The following IFIH1 variants were observed in gnomAD, a reference collection of about 807,000 sequenced individuals.
IFIH1 encodes the protein interferon induced with helicase C domain 1.
A neutral mutation model predicts 107.4 loss-of-function variants in IFIH1; 125 were observed. The observed-to-expected ratio is 1.16, with a 90% CI of 1.01 to 1.35. IFIH1 has a LOEUF of 1.35. Ranked by LOEUF, IFIH1 falls within the 40% of genes most tolerant of loss-of-function variation. IFIH1 has a pLI of 0.00. For missense variants in IFIH1, 1,333 were observed against 1,213.7 expected, an observed-to-expected ratio of 1.10 and a Z score of -1.46; for synonymous variants, 458 against 413.2, an observed-to-expected ratio of 1.11 and a Z score of -1.31.
intron 2 of IFIH1, among the ~76,000 whole-genome samples, chr2:162,309,263 A>G (rs1421452308): frequency 6.6e-6 from 1 of 152,170 alleles, no homozygotes; most frequent in African/African-American, 2.4e-5. Flanking sequence ...GGCTCCATCC[A>G]CACAGCTTTC....
rs148540097 is a variant in IFIH1, at chr2:162,282,450, C to T, written c.1222G>A (p.Asp408Asn). ...ATTTGAGCTGTACTGATAATAATAT[C>T]ACAGGACTTGACAACTTCTGGAAAT... ...ISFPEVVKSC[D>N]IIISTAQILE... Residue 408 changes from aspartate (D) to asparagine (N), a missense_variant, in exon 6 of 16, where the codon GAT becomes AAT. By Grantham distance (23) the Asp-to-Asn change is conservative. Transcript: ENST00000649979. The T allele has an allele frequency of 8.6e-5, 138 of 1,611,690 alleles. No individual in the cohort carries two copies. The highest frequency in any genetic ancestry group is 1.1e-4 in the Non-Finnish European group (133 of 1,178,526).
At position 162,267,635 on chromosome 2, in the gene IFIH1, G is replaced by T. The variant is rs1439600339; in HGVS notation, c.2808-66C>A. 8 of 1,169,552 alleles carry T rather than the reference G, an allele frequency of 6.8e-6. No homozygotes were observed. In the East Asian group the frequency reaches 1.2e-4, roughly 17 times the overall value. 72.4% of individuals were successfully genotyped at this position (1,169,552 alleles called of 1,614,324 possible). A position where few individuals can be genotyped will look rare whatever the true frequency, so the allele number is the denominator to read the frequency against. On this transcript the variant is annotated intron_variant, in intron 14 of 15. Coordinates refer to ENST00000649979, the MANE Select transcript of IFIH1 (RefSeq NM_022168.4). The stretch of plus-strand genomic sequence containing the variant: ...CAAAATACCAGTGTGTAGTTCATGG[G>T]TTATTGGACCTGGAGCTCATCCGCA...
chr2:162,317,021 GT>G (rs1683503284), intron 1 of IFIH1, among the ~76,000 whole-genome samples: 1 of 132,200 alleles, frequency 7.6e-6, no homozygotes, highest in African/African-American at 4.0e-5. Flanking sequence ...AAAAGGGTGT[GT>G]GTGTGTGTGT....
chr2:162,291,812 A>C (rs116543979), intron 4 of IFIH1, among the ~76,000 whole-genome samples: 12 of 151,984 alleles, frequency 7.9e-5, no homozygotes, highest in African/African-American at 2.6e-4. Context: ...TATACCAGGC[A>C]CTTGTGGGCA....
At chr2:162,303,962 C>T (rs560472645) in intron 3 of IFIH1, among the ~76,000 whole-genome samples, 2 of 151,978 alleles carry the variant, frequency 1.3e-5, no homozygotes, top group African/African-American at 2.4e-5. Flanking sequence ...ATAGAGATGT[C>T]GAGTAGCTTG....
At chr2:162,267,937 A>G in intron 14 of IFIH1, 150 bp downstream of exon 14, 1 of 576,368 alleles carries the variant, frequency 1.7e-6, no homozygotes, top group East Asian at 3.0e-5. Context: ...TAAAACATAG[A>G]CATTTAAAAT....
intron 4 of IFIH1, 50 bp downstream of exon 4, chr2:162,293,514 T>C (rs776791613): frequency 8.7e-7 from 1 of 1,146,142 alleles, no homozygotes; most frequent in Non-Finnish European, 1.3e-6. Flanking sequence ...TTCCACTATA[T>C]GGCGTCTTAT....
chr2:162,288,917 G>GCACACACACACACACACA lies in IFIH1; in HGVS notation c.875-580_875-563dup, dbSNP rs3051152. Among the ~76,000 whole-genome samples, 298 of 135,436 alleles carry GCACACACACACACACACA rather than the reference G, an allele frequency of 2.2e-3. 3 individuals are homozygous for GCACACACACACACACACA. The highest frequency in any genetic ancestry group is 3.5e-3 in the Non-Finnish European group (218 of 61,652). 88.9% of individuals were successfully genotyped at this position (135,436 alleles called of 152,430 possible). On this transcript the variant is annotated intron_variant, in intron 4 of 15. Transcript: ENST00000649979. ...TTATCTGACAACCAAATACCAAAAA[G>GCACACACACACACACACA]CACACACACACACACACACACACAC...
At chr2:162,296,055 G>A (rs1039163870) in intron 3 of IFIH1, among the ~76,000 whole-genome samples, 5 of 151,988 alleles carry the variant, frequency 3.3e-5, no homozygotes, top group Admixed American at 2.6e-4. Context: ...ATCTAAGACT[G>A]TATCATTAAA....
chr2:162,289,733 G>T (rs1682963709), intron 4 of IFIH1, among the ~76,000 whole-genome samples: 1 of 151,810 alleles, frequency 6.6e-6, no homozygotes, highest in Admixed American at 6.6e-5. Flanking sequence ...CAGGAAATTT[G>T]CCTTTTGTAT....
chr2:162,291,564 A>G (rs976175378), intron 4 of IFIH1, among the ~76,000 whole-genome samples: 2 of 151,838 alleles, frequency 1.3e-5, no homozygotes, highest in African/African-American at 4.8e-5. Flanking sequence ...AATCATGTCT[A>G]CTATGGCATA....
At chr2:162,282,299 A>G (rs1428653220) in intron 6 of IFIH1, 67 bp downstream of exon 6, 1 of 1,003,960 alleles carries the variant, frequency 1.0e-6, no homozygotes, top group African/African-American at 1.7e-5. Context: ...AAAAATTAAC[A>G]AATACAGCCT....
intron 3 of IFIH1, among the ~76,000 whole-genome samples, chr2:162,303,226 T>C (rs978854177): frequency 6.6e-6 from 1 of 152,156 alleles, no homozygotes; most frequent in Non-Finnish European, 1.5e-5. Context: ...GTGATTCCCC[T>C]GCCTCAGCCT....
intron 3 of IFIH1, among the ~76,000 whole-genome samples, chr2:162,299,464 G>T (rs1295613294): frequency 5.3e-5 from 8 of 152,090 alleles, no homozygotes; most frequent in Non-Finnish European, 1.2e-4. Flanking sequence ...CTTTGGTGGG[G>T]GGAGACAGGA....
At chr2:162,271,169 T>C (rs1469933161) in intron 13 of IFIH1, among the ~76,000 whole-genome samples, 5 of 152,138 alleles carry the variant, frequency 3.3e-5, no homozygotes, top group South Asian at 2.1e-4. Flanking sequence ...TGTAGCTAGA[T>C]GACATATTCT....
chr2:162,302,392 AATC>A, intron 3 of IFIH1, among the ~76,000 whole-genome samples: 1 of 152,330 alleles, frequency 6.6e-6, no homozygotes, highest in Middle Eastern at 3.4e-3. Context: ...TACACATAAA[AATC>A]ATATTTACAG....
At chr2:162,271,772 C>T (rs551721962) in intron 13 of IFIH1, among the ~76,000 whole-genome samples, 1 of 152,280 alleles carries the variant, frequency 6.6e-6, no homozygotes, top group Admixed American at 6.5e-5. Flanking sequence ...ACCAGGCACA[C>T]ACTAGAAATA....
At position 162,279,988 on chromosome 2, in the gene IFIH1, G is replaced by A. The variant is rs780592381; in HGVS notation, c.1641+8C>T. ...TCAATCAATAGATATAAAACATTAA[G>A]CCCATACTTCTCTGGTTGCATCTGC... On this transcript the variant is annotated splice_region_variant and intron_variant, in intron 8 of 15. Transcript: ENST00000649979. 3 of 1,412,218 alleles carry A rather than the reference G, an allele frequency of 2.1e-6. No individual in the cohort carries two copies. The highest frequency in any genetic ancestry group is 2.3e-5 in the East Asian group (1 of 43,852). 87.5% of individuals were successfully genotyped at this position (1,412,218 alleles called of 1,614,324 possible).
At chr2:162,275,814 A>G (rs1012633245) in intron 11 of IFIH1, among the ~76,000 whole-genome samples, 2 of 152,114 alleles carry the variant, frequency 1.3e-5, no homozygotes, top group African/African-American at 4.8e-5. Flanking sequence ...TTTCTTACCC[A>G]AGTGTTTTTT....
Sources: gnomAD v4.1 joint callset for allele counts (sites outside exome capture counted in the v4.1 genomes callset) on GRCh38, gnomAD v4.1.1 for gene constraint, MANE v1.5 for transcripts, NCBI Gene and HGNC (gene_info 2026-07-23, HGNC 2026-07-21) for gene names.